CSPG4: variants seen among roughly 807,000 people sequenced by gnomAD.
The protein encoded by CSPG4 is chondroitin sulfate proteoglycan 4.
In CSPG4, 74 loss-of-function variants were observed where a neutral mutation model predicts 139.3. That is an observed-to-expected ratio of 0.53 (90% CI 0.44 to 0.64). The LOEUF (loss-of-function observed/expected upper bound fraction) is 0.64, where lower values mean the gene tolerates loss of function less well. CSPG4 is among the 30% of genes least tolerant of loss of function. The probability of loss-of-function intolerance (pLI) is 0.00; values close to 1 mark genes in which losing one functional copy is unlikely to be tolerated. For missense variants in CSPG4, 2,565 were observed against 3,148.3 expected, an observed-to-expected ratio of 0.81 and a Z score of 4.43; for synonymous variants, 1,234 against 1,394.2, an observed-to-expected ratio of 0.89 and a Z score of 2.56.
intron 1 of CSPG4, among the ~76,000 whole-genome samples, chr15:75,701,408 T>C (rs573627003): frequency 6.6e-6 from 1 of 152,286 alleles, no homozygotes; most frequent in Non-Finnish European, 1.5e-5. Flanking sequence ...TGGGAGGGCG[T>C]TGCCGGGGGG....
At chr15:75,692,287 T>A (rs1894174846) in intron 2 of CSPG4, among the ~76,000 whole-genome samples, 2 of 152,278 alleles carry the variant, frequency 1.3e-5, no homozygotes, top group South Asian at 4.2e-4. Flanking sequence ...TCCGGTTATT[T>A]TTTTCTTTTA....
Position 75,689,009 on chromosome 15 carries a change from G to C in CSPG4, c.2056C>G (p.Leu686Val), listed in dbSNP as rs773980449. ...CCCACGGCATTGGTCTCCACCGACA[G>C]GTTGGCGGGCAAGATGGGCATGGCA... ...GSAMPILPANLSVETNAVGQD... is the reference protein window; with the variant it reads ...GSAMPILPANVSVETNAVGQD... Residue 686 changes from leucine (L) to valine (V), a missense_variant, in exon 3 of 10, where the codon CTG (leucine) becomes GTG (valine). This residue lies in a region of CSPG4 where 2,316 missense variants were observed against 2,818.2 expected (regional missense o/e 0.82). Transcript: ENST00000308508. The C allele has an allele frequency of 1.2e-6, 2 of 1,612,290 alleles. No individual in the cohort carries two copies. The highest frequency in any genetic ancestry group is 4.5e-5 in the East Asian group (2 of 44,888).
chr15:75,692,957 C>T, intron 2 of CSPG4, 113 bp downstream of exon 2: 2 of 608,476 alleles, frequency 3.3e-6, no homozygotes, highest in South Asian at 2.0e-5. Flanking sequence ...GAACTTAAGA[C>T]CCCAAGATAA....
In CSPG4 at chr15:75,688,221, A is replaced by G. The variant is rs756495514; in HGVS notation, c.2844T>C (p.Arg948=). 5 of 1,612,808 alleles carry G rather than the reference A, an allele frequency of 3.1e-6. No individual in the cohort carries two copies. In the African/African-American group the frequency reaches 6.7e-5, roughly 22 times the overall value. ...ERPRHGRLAW[R]GTQDKTTMVT... is the part of the protein sequence containing the mutation. ...CCATAGTGGTCTTGTCCTGTGTCCC[A>G]CGCCAAGCCAACCTCCCATGGCGGG... The change falls in exon 3 of 10, where the codon CGT becomes CGC. Residue 948 remains arginine (R), a synonymous_variant. Coordinates refer to ENST00000308508, the MANE Select transcript of CSPG4 (RefSeq NM_001897.5).
chr15:75,697,466 G>A (rs895758350), intron 1 of CSPG4, among the ~76,000 whole-genome samples: 3 of 152,264 alleles, frequency 2.0e-5, no homozygotes, highest in Admixed American at 2.0e-4. Context: ...TGAGGCTCCA[G>A]AGGAGAAGCG....
rs752589136 is a variant in CSPG4, at chr15:75,690,168, G to A, written c.897C>T (p.Ser299=). Residue 299 remains serine, a synonymous_variant, in exon 3 of 10, where the codon TCC becomes TCT. Coordinates refer to ENST00000308508, the MANE Select transcript of CSPG4 (RefSeq NM_001897.5). ...VHINAHRLEI[S]VDQYPTHTSN... Reference sequence around the variant, plus strand: ...AAGTATGCGTAGGGTACTGGTCCACGGAGATTTCCAGCCGGTGAGCATTGA... The same window carrying A: ...AAGTATGCGTAGGGTACTGGTCCACAGAGATTTCCAGCCGGTGAGCATTGA... The A allele has an allele frequency of 7.4e-6, 12 of 1,613,052 alleles. No homozygotes were observed. Among genetic ancestry groups the A allele is most frequent in the African/African-American group, 5.3e-5 (4 of 74,918 alleles).
At chr15:75,699,814 G>C (rs1220535678) in intron 1 of CSPG4, among the ~76,000 whole-genome samples, 1 of 152,112 alleles carries the variant, frequency 6.6e-6, no homozygotes, top group Non-Finnish European at 1.5e-5. Context: ...GGTGGGGAGC[G>C]GTTCCAAGAG....
chr15:75,712,125 C>G (rs1894454533), intron 1 of CSPG4, among the ~76,000 whole-genome samples: 1 of 124,734 alleles, frequency 8.0e-6, no homozygotes, highest in Admixed American at 1.0e-4. Context: ...TGCAAGGAAG[C>G]AAGGGGAGGA....
rs1256319812 is a variant in CSPG4, at chr15:75,690,112, G to A, written c.953C>T (p.Pro318Leu). 2 of 1,612,716 alleles carry A rather than the reference G, an allele frequency of 1.2e-6. No homozygotes were observed. Among genetic ancestry groups the A allele is most frequent in the African/African-American group, 2.7e-5 (2 of 74,908 alleles). Residue 318 changes from proline (P) to leucine (L), a missense_variant, in exon 3 of 10, where the codon CCA becomes CTA. Pro to Leu is a moderately conservative substitution (Grantham distance 98, BLOSUM62 -3). Around this residue, in one of 5 missense-constraint regions of CSPG4, gnomAD observed 2,316 missense variants for 2,818.2 expected, o/e 0.82. Transcript: ENST00000308508. ...SNRGVLSYLE[P>L]RGSLLLGGLD... ...CCCCCCGAGAAGGAGACTGCCCCGT[G>A]GCTCCAGGTAGCTGAGGACTCCTCG...
chr15:75,688,065 C>T lies in CSPG4; in HGVS notation c.3000G>A (p.Trp1000Ter), dbSNP rs1894090566. 2 of 1,612,662 alleles carry T rather than the reference C, an allele frequency of 1.2e-6. No homozygotes were observed. The highest frequency in any genetic ancestry group is 2.2e-5 in the South Asian group (2 of 91,056). The change falls in exon 3 of 10, where the codon TGG becomes TGA. Residue 1000 changes from tryptophan (W) to a stop codon, truncating the protein, a stop_gained. Transcript: ENST00000308508. LOFTEE classifies it high-confidence loss of function. ...RQGESSGDMA[W>*]EEVRGVFRVA... ...CTCGGAAGACACCCCGTACCTCCTC[C>T]CAGGCCATGTCACCACTGCTCTCGC... is the stretch of plus-strand genomic sequence containing the variant.
intron 8 of CSPG4, chr15:75,678,369 T>A: frequency 5.3e-6 from 1 of 188,228 alleles, no homozygotes; most frequent in South Asian, 9.3e-5. Context: ...TATTATTATT[T>A]TGAGACAGGG....
rs1415309675 is a variant in CSPG4, at chr15:75,684,763, G to A, written c.4422C>T (p.Pro1474=). 1 of 1,613,756 alleles carries A rather than the reference G, an allele frequency of 6.2e-7. No homozygotes were observed. Among genetic ancestry groups the A allele is most frequent in the Admixed American group, 1.7e-5 (1 of 60,012 alleles). The change falls in exon 5 of 10, where the codon CCC becomes CCT. Residue 1474 remains proline (P), a synonymous_variant. Coordinates refer to ENST00000308508, the MANE Select transcript of CSPG4 (RefSeq NM_001897.5). ...VTVLPVNDQP[P]ILTTNTGLQM... ...GCAGGCCTGTGTTTGTAGTGAGGATGGGGGGTTGGTCATTGACAGGCAGGA... is the reference window on the plus strand; with the variant it reads ...GCAGGCCTGTGTTTGTAGTGAGGATAGGGGGTTGGTCATTGACAGGCAGGA...
At chr15:75,683,952 C>A (rs1894016871) in intron 5 of CSPG4, among the ~76,000 whole-genome samples, 1 of 152,188 alleles carries the variant, frequency 6.6e-6, no homozygotes. Flanking sequence ...GGTTCCAGAG[C>A]ACTGTGTCCC....
chr15:75,685,497 A>C lies in CSPG4; in HGVS notation c.3994T>G (p.Phe1332Val), dbSNP rs1387860370. The change falls in exon 4 of 10, where the codon TTC becomes GTC. Residue 1332 changes from phenylalanine to valine, a missense_variant. Physicochemically the swap from Phe to Val is conservative, Grantham distance 50. This residue lies in a region of CSPG4 where 2,316 missense variants were observed against 2,818.2 expected (regional missense o/e 0.82). Transcript: ENST00000308508. ...AGGCCTGAGGCCACATCCAGCGAGA[A>C]GGCATCGCTCCAGGCCTCAGGGCGG... Reference protein sequence around the residue: ...HSRPEAWSDAFSLDVASGLGA... With the variant: ...HSRPEAWSDAVSLDVASGLGA... 4 of 1,611,348 alleles carry C rather than the reference A, an allele frequency of 2.5e-6. No homozygotes were observed. The highest frequency in any genetic ancestry group is 3.4e-6 in the Non-Finnish European group (4 of 1,179,710).
At chr15:75,678,609 C>T (rs1416104950) in intron 8 of CSPG4, 1 of 455,128 alleles carries the variant, frequency 2.2e-6, no homozygotes, top group East Asian at 7.0e-5. Flanking sequence ...TTGCCTCGGC[C>T]TCCCAGAGTG....
At chr15:75,684,670 G>A (rs1408277749) in intron 5 of CSPG4, 66 bp downstream of exon 5, 25 of 1,502,492 alleles carry the variant, frequency 1.7e-5, no homozygotes, top group Admixed American at 7.5e-5. Context: ...GCTCTGAGCC[G>A]CGAAGTAGGG....
chr15:75,679,639 C>T (rs1893944576), intron 8 of CSPG4: 1 of 152,242 alleles, frequency 6.6e-6, no homozygotes, highest in South Asian at 2.1e-4. Context: ...GTTTTCTCCA[C>T]CTCCAATCAC....
At chr15:75,680,862 C>G (rs1271905858) in intron 8 of CSPG4, 1 of 153,156 alleles carries the variant, frequency 6.5e-6, no homozygotes, top group African/African-American at 2.4e-5. Context: ...CTGCCCTCCT[C>G]CCAGAGTGGG....
intron 1 of CSPG4, among the ~76,000 whole-genome samples, chr15:75,699,959 G>T (rs915255384): frequency 3.9e-5 from 6 of 152,184 alleles, no homozygotes; most frequent in South Asian, 2.1e-4. Context: ...ACCCAGGCTG[G>T]GGTAGGGTTT....
Sources: allele counts gnomAD v4.1 joint callset (sites outside exome capture counted in the v4.1 genomes callset), GRCh38; gene constraint gnomAD v4.1.1; regional missense constraint gnomAD v4.1.1; transcripts MANE v1.5; gene names NCBI Gene and HGNC (gene_info 2026-07-23, HGNC 2026-07-21).